The following ANTXR1 variants were observed in gnomAD, a reference collection of about 807,000 sequenced individuals.
ANTXR1 encodes the protein anthrax toxin receptor 1.
A neutral mutation model predicts 78.1 loss-of-function variants in ANTXR1; 19 were observed. That is an observed-to-expected ratio of 0.24 (90% confidence interval 0.17 to 0.36). ANTXR1 has a LOEUF of 0.36. ANTXR1 is among the 10% of genes least tolerant of loss of function. The pLI, the probability that ANTXR1 is intolerant of heterozygous loss-of-function variation, is 1.00. For synonymous variants in ANTXR1, 273 were observed against 260.5 expected, an observed-to-expected ratio of 1.05 and a Z score of -0.46; for missense variants, 518 against 718.6, an observed-to-expected ratio of 0.72 and a Z score of 3.19.
At chr2:69,030,763 C>T (rs898426310) in intron 1 of ANTXR1, among the ~76,000 whole-genome samples, 1 of 152,068 alleles carries the variant, frequency 6.6e-6, no homozygotes, top group Admixed American at 6.6e-5. Flanking sequence ...TCCCAAGGCG[C>T]AATTTTTCCA....
chr2:69,116,398 A>G (rs1672144968), intron 10 of ANTXR1, among the ~76,000 whole-genome samples: 1 of 152,210 alleles, frequency 6.6e-6, no homozygotes, highest in East Asian at 1.9e-4. Context: ...ATTTTTCCAC[A>G]GTATTTTACA....
chr2:69,152,779 T>C (rs1392622705), intron 13 of ANTXR1, among the ~76,000 whole-genome samples: 6 of 152,190 alleles, frequency 3.9e-5, no homozygotes. Flanking sequence ...TGGCAACTTT[T>C]ATAGGACACA....
intron 17 of ANTXR1, among the ~76,000 whole-genome samples, chr2:69,243,809 A>T (rs1405896019): frequency 6.6e-6 from 1 of 152,066 alleles, no homozygotes; most frequent in Non-Finnish European, 1.5e-5. Flanking sequence ...ACAATTCCAC[A>T]CCCCAGCCCC....
At chr2:69,150,638 A>T (rs1573935353) in intron 12 of ANTXR1, among the ~76,000 whole-genome samples, 1 of 144,580 alleles carries the variant, frequency 6.9e-6, no homozygotes, top group Middle Eastern at 3.5e-3. Flanking sequence ...GACAGTCTTT[A>T]TGTCTCTCTC....
chr2:69,024,805 G>T (rs550192622), intron 1 of ANTXR1, among the ~76,000 whole-genome samples: 1 of 151,998 alleles, frequency 6.6e-6, no homozygotes, highest in South Asian at 2.1e-4. Context: ...CCAGTTATTG[G>T]TCTCTTTGCT....
chr2:69,145,394 TC>T, intron 12 of ANTXR1: 1 of 1,587,374 alleles, frequency 6.3e-7, no homozygotes, highest in East Asian at 2.3e-5. Context: ...TACCGCCTGC[TC>T]CCTCCGGACA....
At chr2:69,151,082 CGTA>C (rs1263397682) in intron 12 of ANTXR1, among the ~76,000 whole-genome samples, 1 of 151,208 alleles carries the variant, frequency 6.6e-6, no homozygotes, top group Non-Finnish European at 1.5e-5. Context: ...TAACCGATTG[CGTA>C]GTAATTCTGT....
chr2:69,042,745 C>A (rs1369779728), intron 2 of ANTXR1, among the ~76,000 whole-genome samples: 3 of 152,170 alleles, frequency 2.0e-5, no homozygotes, highest in African/African-American at 7.2e-5. Context: ...TCCTCCCCAC[C>A]CTTCACCTGC....
chr2:69,149,832 G>T (rs1673342836), intron 12 of ANTXR1, among the ~76,000 whole-genome samples: 1 of 152,196 alleles, frequency 6.6e-6, no homozygotes, highest in South Asian at 2.1e-4. Context: ...GGTTGTCCTT[G>T]GCCAGCCCTA....
chr2:69,236,177 C>T (rs1025591316), intron 17 of ANTXR1, among the ~76,000 whole-genome samples: 1 of 152,098 alleles, frequency 6.6e-6, no homozygotes, highest in South Asian at 2.1e-4. Flanking sequence ...TTCATCATTA[C>T]TCTATAAAGA....
chr2:69,077,186 A>G, intron 7 of ANTXR1: 1 of 592,832 alleles, frequency 1.7e-6, no homozygotes, highest in African/African-American at 1.9e-5. Context: ...ATTGAAACAA[A>G]TGTAAAAGCT....
At chr2:69,204,069 G>T (rs921483151) in intron 17 of ANTXR1, among the ~76,000 whole-genome samples, 5 of 152,144 alleles carry the variant, frequency 3.3e-5, no homozygotes, top group Admixed American at 3.3e-4. Flanking sequence ...TTGCTACTTT[G>T]TCTAAGCATG....
chr2:69,039,278 A>C (rs1393350945), intron 1 of ANTXR1, among the ~76,000 whole-genome samples: 1 of 152,234 alleles, frequency 6.6e-6, no homozygotes, highest in Non-Finnish European at 1.5e-5. Context: ...TGACTGAAGC[A>C]GTAGGAAATG....
intron 17 of ANTXR1, among the ~76,000 whole-genome samples, chr2:69,213,678 G>A (rs368015550): frequency 8.5e-5 from 13 of 152,338 alleles, no homozygotes; most frequent in East Asian, 7.7e-4. Flanking sequence ...TGGTGGGGTC[G>A]CCAGACTCCT....
At chr2:69,058,203 C>T (rs985567519) in intron 3 of ANTXR1, among the ~76,000 whole-genome samples, 1 of 152,192 alleles carries the variant, frequency 6.6e-6, no homozygotes, top group Non-Finnish European at 1.5e-5. Flanking sequence ...AAGGTGGCTA[C>T]ACTAAACAAC....
At chr2:69,244,045 CCT>C (rs992003606) in intron 17 of ANTXR1, among the ~76,000 whole-genome samples, 52 of 152,228 alleles carry the variant, frequency 3.4e-4, no homozygotes, top group Admixed American at 1.8e-3. Flanking sequence ...CAGGAGAACC[CCT>C]GTCTCCCCTC....
intron 17 of ANTXR1, among the ~76,000 whole-genome samples, chr2:69,232,878 CA>C (rs1229381406): frequency 2.0e-5 from 3 of 151,984 alleles, no homozygotes; most frequent in South Asian, 2.1e-4. Flanking sequence ...CTTTGAAAGA[CA>C]AATCCAAAAA....
Position 69,105,482 on chromosome 2 carries a change from G to GTACTAACTAAA in ANTXR1, c.802+2543_802+2544insACTAACTAAAT, listed in dbSNP as rs1671778583. ...GTTTGAGGAAAACACTTGGCCTTTA[G>GTACTAACTAAA]TTAGTAATTCACCTGTTCATTTCCA... On this transcript the variant is annotated intron_variant, in intron 10 of 17. Coordinates refer to ENST00000303714, the MANE Select transcript of ANTXR1 (RefSeq NM_032208.3). Among the ~76,000 whole-genome samples, 3 of 152,354 alleles carry GTACTAACTAAA rather than the reference G, an allele frequency of 2.0e-5. No homozygotes were observed. The South Asian group carries it at 6.2e-4, about 32-fold the overall frequency.
At chr2:69,088,665 C>T (rs1671132320) in intron 8 of ANTXR1, among the ~76,000 whole-genome samples, 1 of 152,154 alleles carries the variant, frequency 6.6e-6, no homozygotes, top group African/African-American at 2.4e-5. Context: ...ACAATTCAGG[C>T]AGGGCTGTCT....
Sources: gnomAD v4.1 joint callset for allele counts (sites outside exome capture counted in the v4.1 genomes callset) on GRCh38, gnomAD v4.1.1 for gene constraint, MANE v1.5 for transcripts, NCBI Gene and HGNC (gene_info 2026-07-23, HGNC 2026-07-21) for gene names.